The following SDK1 variants were observed in gnomAD, a reference collection of about 807,000 sequenced individuals.
SDK1 encodes the protein protein sidekick-1.
SDK1 carries 157 observed loss-of-function variants against 245.5 expected under a neutral mutation model. The ratio of observed to expected loss-of-function variants is 0.64; its 90% confidence interval spans 0.56 to 0.73. The LOEUF (loss-of-function observed/expected upper bound fraction) is 0.73, where lower values mean the gene tolerates loss of function less well. Among genes scored for constraint, SDK1 ranks in the 30% least tolerant of loss-of-function variants. SDK1 has a pLI of 0.00. For missense variants in SDK1, 3,583 were observed against 3,002.3 expected (o/e 1.19, Z -4.52); for synonymous variants, 1,647 against 1,278.5 (o/e 1.29, Z -6.15).
At chr7:3,349,391 G>A (rs1230782786) in intron 1 of SDK1, among the ~76,000 whole-genome samples, 1 of 152,080 alleles carries the variant, frequency 6.6e-6, no homozygotes, top group African/African-American at 2.4e-5. Context: ...AACTGGAAGG[G>A]GAATGGGGCT....
chr7:3,962,590 C>G (rs989714415), intron 8 of SDK1, 67 bp from the exon 9 acceptor site: 4 of 1,337,706 alleles, frequency 3.0e-6, no homozygotes, highest in Non-Finnish European at 4.1e-6. Context: ...GCCTTTGAAA[C>G]AGATGTGCTT....
intron 17 of SDK1, among the ~76,000 whole-genome samples, chr7:4,036,237 C>T (rs1788206987): frequency 6.6e-6 from 1 of 152,176 alleles, no homozygotes; most frequent in African/African-American, 2.4e-5. Context: ...AACTAGAATT[C>T]AGATAATTAA....
chr7:4,129,781 A>C (rs1784670162), intron 26 of SDK1, 127 bp from the exon 27 acceptor site: 2 of 1,515,484 alleles, frequency 1.3e-6, no homozygotes, highest in African/African-American at 2.8e-5. Context: ...AGCCCTGCAC[A>C]CAGCCATCCT....
At chr7:3,394,300 A>T (rs564462382) in intron 1 of SDK1, among the ~76,000 whole-genome samples, 1 of 152,144 alleles carries the variant, frequency 6.6e-6, no homozygotes, top group African/African-American at 2.4e-5. Flanking sequence ...CGTATTATCT[A>T]TTCCCTAGTG....
At chr7:3,763,240 TTTGATTG>T (rs1780158742) in intron 4 of SDK1, among the ~76,000 whole-genome samples, 1 of 152,234 alleles carries the variant, frequency 6.6e-6, no homozygotes, top group African/African-American at 2.4e-5. Context: ...TCTTAGTACT[TTTGATTG>T]TTTAATATTT....
At chr7:4,043,219 G>C (rs1198061655) in intron 17 of SDK1, among the ~76,000 whole-genome samples, 4 of 152,168 alleles carry the variant, frequency 2.6e-5, no homozygotes, top group African/African-American at 9.7e-5. Flanking sequence ...GGCCCAGGTA[G>C]AGTGAGTGTC....
At chr7:3,532,617 T>TC (rs1783384889) in intron 1 of SDK1, among the ~76,000 whole-genome samples, 1 of 152,232 alleles carries the variant, frequency 6.6e-6, no homozygotes, top group Non-Finnish European at 1.5e-5. Flanking sequence ...ACTGTCATGT[T>TC]AACTCCAGGT....
intron 4 of SDK1, among the ~76,000 whole-genome samples, chr7:3,735,475 A>T (rs1454867841): frequency 6.6e-6 from 1 of 152,204 alleles, no homozygotes; most frequent in African/African-American, 2.4e-5. Flanking sequence ...CAAGGTTCAC[A>T]CATGTGGTAG....
intron 31 of SDK1, among the ~76,000 whole-genome samples, chr7:4,160,014 G>GGT (rs1781012465): frequency 6.6e-6 from 1 of 152,168 alleles, no homozygotes; most frequent in African/African-American, 2.4e-5. Context: ...GATGTGTGCA[G>GGT]GTTACATGCA....
At chr7:3,745,346 G>A (rs1779586849) in intron 4 of SDK1, among the ~76,000 whole-genome samples, 1 of 152,176 alleles carries the variant, frequency 6.6e-6, no homozygotes, top group Non-Finnish European at 1.5e-5. Context: ...ATTTTGAAAT[G>A]TAGACTCACA....
In SDK1 at chr7:3,582,379, T is replaced by A. The variant is rs1333380681; in HGVS notation, c.299-36701T>A. On this transcript the variant is annotated intron_variant, in intron 1 of 44. Coordinates refer to ENST00000404826, the MANE Select transcript of SDK1 (RefSeq NM_152744.4). ...GGTAGGTCTGTCTCAGGTAGGTCTG[T>A]CTCAGGTAGGTCTCCCTCAGGTAGG... Among the ~76,000 whole-genome samples, 11 of 141,766 alleles carry A rather than the reference T, an allele frequency of 7.8e-5. No individual in the cohort carries two copies. The South Asian group carries it at 2.6e-3, about 34-fold the overall frequency. 93.0% of individuals were successfully genotyped at this position (141,766 alleles called of 152,430 possible).
At chr7:4,092,617 G>A (rs1182060979) in intron 22 of SDK1, among the ~76,000 whole-genome samples, 4 of 152,226 alleles carry the variant, frequency 2.6e-5, no homozygotes, top group African/African-American at 9.6e-5. Flanking sequence ...CCTAGTCTGT[G>A]CCTGGCCCTG....
chr7:4,174,108 C>T, intron 32 of SDK1, 114 bp from the exon 33 acceptor site: 1 of 1,180,052 alleles, frequency 8.5e-7, no homozygotes. Context: ...TCGCTGGAAC[C>T]CACGACTTTC....
intron 1 of SDK1, among the ~76,000 whole-genome samples, chr7:3,377,689 T>A (rs1311312052): frequency 6.6e-6 from 1 of 152,148 alleles, no homozygotes; most frequent in Non-Finnish European, 1.5e-5. Context: ...GGGTTCCTTT[T>A]TCACTGCCAC....
At chr7:3,715,433 A>T (rs1321525648) in intron 4 of SDK1, among the ~76,000 whole-genome samples, 1 of 152,150 alleles carries the variant, frequency 6.6e-6, no homozygotes, top group Admixed American at 6.5e-5. Context: ...CCAGCAACTG[A>T]TAGCCCAAAG....
At chr7:3,503,686 AC>A (rs575471377) in intron 1 of SDK1, among the ~76,000 whole-genome samples, 55 of 151,772 alleles carry the variant, frequency 3.6e-4, no homozygotes, top group African/African-American at 1.2e-3. Context: ...TCTTAAAAAA[AC>A]AAAACAAAAT....
intron 4 of SDK1, among the ~76,000 whole-genome samples, chr7:3,810,505 G>C (rs931417677): frequency 1.3e-5 from 2 of 152,074 alleles, no homozygotes; most frequent in Non-Finnish European, 2.9e-5. Context: ...GAAACAATTA[G>C]TTAAAATAAC....
chr7:3,999,796 AGAT>A (rs1284978623), intron 14 of SDK1, among the ~76,000 whole-genome samples: 1 of 152,242 alleles, frequency 6.6e-6, no homozygotes, highest in Non-Finnish European at 1.5e-5. Flanking sequence ...GAGAAATAGT[AGAT>A]GATGTATAAA....
chr7:3,644,290 T>A (rs542102088), intron 4 of SDK1, among the ~76,000 whole-genome samples: 22 of 150,884 alleles, frequency 1.5e-4, no homozygotes, highest in Non-Finnish European at 2.9e-4. Flanking sequence ...TTTAAAATTC[T>A]AGTAAAAATA....
Sources: gnomAD v4.1 joint callset for allele counts (sites outside exome capture counted in the v4.1 genomes callset) on GRCh38, gnomAD v4.1.1 for gene constraint, MANE v1.5 for transcripts, NCBI Gene and HGNC (gene_info 2026-07-23, HGNC 2026-07-21) for gene names.